Variants in HDAC9 observed in about 807,000 individuals in gnomAD.
HDAC9 encodes histone deacetylase 9, also known as MEF-2 interacting transcription repressor (MITR) protein.
HDAC9 carries 41 observed loss-of-function variants against 139.4 expected under a neutral mutation model. The ratio of observed to expected loss-of-function variants is 0.29; its 90% CI spans 0.23 to 0.38. The LOEUF is 0.38. Ranked by LOEUF, HDAC9 falls within the 10% of genes least tolerant of loss-of-function variation. The pLI is 1.00. For missense variants in HDAC9, 1,147 were observed against 1,297.0 expected (o/e 0.88, Z 1.78); for synonymous variants, 517 against 476.2 (o/e 1.09, Z -1.12).
Position 18,999,959 on chromosome 7 carries a change from C to T in HDAC9, c.*3897C>T, listed in dbSNP as rs1328193274. The T allele has an allele frequency of 3.3e-5, 5 of 152,092 alleles. No homozygotes were observed. The highest frequency in any genetic ancestry group is 1.2e-4 in the African/African-American group (5 of 41,404). 9.4% of individuals were successfully genotyped at this position (152,092 alleles called of 1,614,324 possible). Reference sequence around the variant, plus strand: ...TGTTTGACATTGTCATTTCTAGTGGCATGTATCTTAACATTCTTTTCCTGC... The same window carrying T: ...TGTTTGACATTGTCATTTCTAGTGGTATGTATCTTAACATTCTTTTCCTGC... On this transcript the variant is annotated 3_prime_UTR_variant, in exon 26 of 26. Coordinates refer to ENST00000686413, the MANE Select transcript of HDAC9 (RefSeq NM_178425.4).
intron 6 of HDAC9, among the ~76,000 whole-genome samples, chr7:18,603,729 C>T (rs774186470): frequency 1.3e-5 from 2 of 151,786 alleles, no homozygotes; most frequent in Non-Finnish European, 2.9e-5. Flanking sequence ...TTTCTTTTAC[C>T]TTCATATGCT....
At chr7:18,716,271 G>T (rs962816948) in intron 12 of HDAC9, among the ~76,000 whole-genome samples, 18 of 152,134 alleles carry the variant, frequency 1.2e-4, no homozygotes, top group Non-Finnish European at 1.5e-5. Flanking sequence ...AATAACTTCA[G>T]TGTGCTCTCT....
At chr7:18,881,521 T>A (rs1390918963) in intron 22 of HDAC9, among the ~76,000 whole-genome samples, 1 of 152,098 alleles carries the variant, frequency 6.6e-6, no homozygotes, top group Admixed American at 6.5e-5. Flanking sequence ...TGAAGTTGAC[T>A]GCTTTTTTTC....
At chr7:18,243,836 A>G (rs558329201) in intron 2 of HDAC9, among the ~76,000 whole-genome samples, 1 of 152,364 alleles carries the variant, frequency 6.6e-6, no homozygotes, top group East Asian at 1.9e-4. Context: ...CACCAGTTTC[A>G]CAGCAGGAGA....
chr7:18,930,378 G>T (rs375749589), intron 22 of HDAC9, among the ~76,000 whole-genome samples: 1 of 151,994 alleles, frequency 6.6e-6, no homozygotes, highest in Non-Finnish European at 1.5e-5. Context: ...CTTTAATGAA[G>T]CTAGAAGTAA....
At chr7:18,369,093 G>T (rs1466503553) in intron 1 of HDAC9, among the ~76,000 whole-genome samples, 2 of 151,768 alleles carry the variant, frequency 1.3e-5, no homozygotes, top group African/African-American at 4.8e-5. Flanking sequence ...CTCTACTTCA[G>T]GATCTTTTAT....
chr7:18,363,673 A>T (rs1014877897), intron 1 of HDAC9, among the ~76,000 whole-genome samples: 9 of 152,190 alleles, frequency 5.9e-5, no homozygotes, highest in African/African-American at 2.2e-4. Context: ...TTTGCCCCTC[A>T]GAAGTGCAGT....
intron 1 of HDAC9, among the ~76,000 whole-genome samples, chr7:18,486,997 G>A (rs576950641): frequency 1.2e-4 from 18 of 152,094 alleles, no homozygotes; most frequent in Admixed American, 2.0e-4. Context: ...GTGTTTTGGG[G>A]GATGAAAAGG....
At chr7:18,960,337 A>G (rs968683615) in intron 24 of HDAC9, among the ~76,000 whole-genome samples, 2 of 152,118 alleles carry the variant, frequency 1.3e-5, no homozygotes, top group African/African-American at 4.8e-5. Flanking sequence ...TATGTTTTGT[A>G]TATGTGTTTT....
chr7:18,559,944 A>G (rs1820079701), intron 2 of HDAC9, among the ~76,000 whole-genome samples: 3 of 152,302 alleles, frequency 2.0e-5, no homozygotes, highest in Admixed American at 6.5e-5. Flanking sequence ...AAGTCTTCCT[A>G]TATTTGTTTT....
At chr7:18,509,612 C>G (rs1029925744) in intron 2 of HDAC9, among the ~76,000 whole-genome samples, 1 of 152,102 alleles carries the variant, frequency 6.6e-6, no homozygotes, top group African/African-American at 2.4e-5. Flanking sequence ...TCTGAGATAC[C>G]TTAATGCTCT....
chr7:18,665,787 C>G (rs778831631), intron 11 of HDAC9, among the ~76,000 whole-genome samples: 4 of 152,094 alleles, frequency 2.6e-5, no homozygotes, highest in Admixed American at 6.6e-5. Context: ...TAGCGTTTAA[C>G]ATTCGTTGAA....
intron 22 of HDAC9, among the ~76,000 whole-genome samples, chr7:18,909,083 C>T (rs1211421500): frequency 6.6e-6 from 1 of 151,992 alleles, no homozygotes; most frequent in African/African-American, 2.4e-5. Flanking sequence ...TCATAATAGC[C>T]ATTCTAACCG....
At chr7:18,855,246 C>T (rs1727277211) in intron 21 of HDAC9, among the ~76,000 whole-genome samples, 1 of 152,044 alleles carries the variant, frequency 6.6e-6, no homozygotes. Context: ...AGACATTTTC[C>T]AAATATACAC....
At chr7:18,574,203 G>T (rs898819384) in intron 2 of HDAC9, among the ~76,000 whole-genome samples, 12 of 152,164 alleles carry the variant, frequency 7.9e-5, no homozygotes, top group Admixed American at 5.9e-4. Flanking sequence ...CTCCAGGCAG[G>T]TCATCCCAAC....
chr7:18,388,229 A>G (rs1434583404), intron 1 of HDAC9, among the ~76,000 whole-genome samples: 1 of 152,212 alleles, frequency 6.6e-6, no homozygotes, highest in African/African-American at 2.4e-5. Context: ...AGTTGTCCCT[A>G]GAGTATTTTA....
intron 16 of HDAC9, among the ~76,000 whole-genome samples, chr7:18,785,322 G>A (rs1791616940): frequency 6.6e-6 from 1 of 151,560 alleles, no homozygotes; most frequent in African/African-American, 2.4e-5. Context: ...ATTTTTGGTT[G>A]TATACCAAAA....
intron 25 of HDAC9, among the ~76,000 whole-genome samples, chr7:18,994,046 T>C (rs1786246701): frequency 6.6e-6 from 1 of 152,218 alleles, no homozygotes; most frequent in South Asian, 2.1e-4. Flanking sequence ...GGTTGCAGTG[T>C]AGACAGCCTA....
At chr7:18,564,959 TTTTATTTATTTATTTATTTATTTA>T (rs145259249) in intron 2 of HDAC9, among the ~76,000 whole-genome samples, 7 of 141,246 alleles carry the variant, frequency 5.0e-5, no homozygotes, top group African/African-American at 1.8e-4. Flanking sequence ...AATAAATGTA[TTTTATTTATTTATTTATTTATTTA>T]TTTATTTATT....
Sources: allele counts gnomAD v4.1 joint callset (sites outside exome capture counted in the v4.1 genomes callset), GRCh38; gene constraint gnomAD v4.1.1; transcripts MANE v1.5; gene names NCBI Gene and HGNC (gene_info 2026-07-23, HGNC 2026-07-21).